The following TNXB variants were observed in gnomAD, a reference collection of about 807,000 sequenced individuals.
The protein encoded by TNXB is tenascin XB.
A neutral mutation model predicts 340.5 loss-of-function variants in TNXB; 183 were observed. The observed-to-expected ratio is 0.54, with a 90% confidence interval of 0.48 to 0.61. The LOEUF is 0.61. Among genes scored for constraint, TNXB ranks in the 20% least tolerant of loss-of-function variants. The probability of loss-of-function intolerance (pLI) is 0.00; values close to 1 mark genes in which losing one functional copy is unlikely to be tolerated. For synonymous variants in TNXB, 2,121 were observed against 2,314.5 expected, an observed-to-expected ratio of 0.92 and a Z score of 2.40; for missense variants, 4,613 against 5,446.4, an observed-to-expected ratio of 0.85 and a Z score of 4.82.
At position 32,047,766 on chromosome 6, in the gene TNXB, C is replaced by T. The variant is rs1367983105; in HGVS notation, c.10292G>A (p.Arg3431Gln). 5.0e-6 allele frequency: 8 copies of T among 1,605,448 alleles called. No individual in the cohort carries two copies. Among genetic ancestry groups the T allele is most frequent in the East Asian group, 2.2e-5 (1 of 44,820 alleles). Residue 3431 changes from arginine to glutamine, a missense_variant, in exon 30 of 44, where the codon CGA becomes CAA. Arg to Gln is a conservative substitution (Grantham distance 43). Transcript: ENST00000644971. This position sits in a 1 kb window ranked among gnomAD's most constrained non-coding sequence, Gnocchi z 6.2. The part of the protein sequence containing the change: ...FLLYGLSGRK[R>Q]LGPISADSTT... ...GCTGTCAGCAGAGATGGGGCCCAGT[C>T]GTTTCCTGCCTGACAGACCATAGAG...
At chr6:32,101,578 C>T (rs988137692) in intron 1 of TNXB, among the ~76,000 whole-genome samples, 34 of 150,750 alleles carry the variant, frequency 2.3e-4, no homozygotes, top group African/African-American at 7.1e-4. Context: ...CGTGAGCCAC[C>T]GCACCCAGCC....
intron 18 of TNXB, among the ~76,000 whole-genome samples, chr6:32,066,417 AT>A (rs1778342526): frequency 6.6e-6 from 1 of 152,188 alleles, no homozygotes; most frequent in Non-Finnish European, 1.5e-5. Context: ...CAATCAATCA[AT>A]CAATCAATCA....
intron 4 of TNXB, among the ~76,000 whole-genome samples, chr6:32,092,306 G>C (rs892449910): frequency 1.3e-5 from 2 of 152,230 alleles, no homozygotes; most frequent in Non-Finnish European, 2.9e-5. Flanking sequence ...CTGAGTCAGA[G>C]TAACAGTGCC....
intron 24 of TNXB, among the ~76,000 whole-genome samples, chr6:32,054,256 C>T (rs1407089299): frequency 6.6e-6 from 1 of 152,206 alleles, no homozygotes; most frequent in African/African-American, 2.4e-5. Context: ...CTACTGGCCT[C>T]CCTGCCTCCA....
rs535033792 is a variant in TNXB at position 32,088,987 on chromosome 6, G to A, written c.2577C>T (p.Gly859=). 6.2e-7 allele frequency: 1 copy of A among 1,611,400 alleles called. No homozygotes were observed. The highest frequency in any genetic ancestry group is 1.3e-5 in the African/African-American group (1 of 75,036). Residue 859 remains glycine (G), a synonymous_variant, in exon 6 of 44, where the codon GGC becomes GGT. Coordinates refer to ENST00000644971, the MANE Select transcript of TNXB (RefSeq NM_001365276.2). ...CCACCTCAGCCTGGGGACGCAGCCA[G>A]CCAAGCTCCAGTGTTGTCGGTGTCA... is the stretch of plus-strand genomic sequence containing the variant. ...VAVTPTTLEL[G]WLRPQAEVDR...
chr6:32,094,655 C>T (rs1290278341), intron 4 of TNXB, among the ~76,000 whole-genome samples: 2 of 152,162 alleles, frequency 1.3e-5, no homozygotes, highest in African/African-American at 2.4e-5. Context: ...ATGAAGACAT[C>T]AGGCTGGTGT....
Position 32,081,884 on chromosome 6 carries a change from C to T in TNXB, c.3736+152G>A, listed in dbSNP as rs545499395. Among the ~76,000 whole-genome samples, 12 of 152,032 alleles carry T rather than the reference C, an allele frequency of 7.9e-5. No homozygotes were observed. The highest frequency in any genetic ancestry group is 1.8e-4 in the Non-Finnish European group (12 of 67,992). On this transcript the variant is annotated intron_variant, in intron 9 of 43. Transcript: ENST00000644971. This position sits in a 1 kb window ranked among gnomAD's most constrained non-coding sequence, Gnocchi z 5.1. The stretch of plus-strand genomic sequence containing the variant: ...TTGGGATGGAAGGGGCCCAGCAGTG[C>T]GGGGGAGTCTGGCTGCCCCTCAGCC...
intron 23 of TNXB, 50 bp downstream of exon 23, chr6:32,056,536 A>G: frequency 6.3e-7 from 1 of 1,597,416 alleles, no homozygotes; most frequent in Non-Finnish European, 8.5e-7. Context: ...AAAGAGCAAG[A>G]GGGTGACCCT....
Position 32,061,272 on chromosome 6 carries a change from G to A in TNXB, c.7492+125C>T. 2.1e-6 allele frequency: 3 copies of A among 1,409,610 alleles called. No homozygotes were observed. The highest frequency in any genetic ancestry group is 2.9e-6 in the Non-Finnish European group (3 of 1,045,990). 87.3% of individuals were successfully genotyped at this position (1,409,610 alleles called of 1,614,324 possible). On this transcript the variant is annotated intron_variant, in intron 21 of 43. Coordinates refer to ENST00000644971, the MANE Select transcript of TNXB (RefSeq NM_001365276.2). The surrounding 1 kb of genome is among the most constrained non-coding windows in gnomAD (Gnocchi z 4.4). ...CGCTAGCATAGGCCACAGCCACAGGGCACAGAGGGAGGGCAGGACACAGGA... is the reference window on the plus strand; with the variant it reads ...CGCTAGCATAGGCCACAGCCACAGGACACAGAGGGAGGGCAGGACACAGGA...
chr6:32,089,513 G>A lies in TNXB; in HGVS notation c.2359-134C>T. 8.2e-7 allele frequency: 1 copy of A among 1,215,036 alleles called. No individual in the cohort carries two copies. Among genetic ancestry groups the A allele is most frequent in the Non-Finnish European group, 1.1e-6 (1 of 899,922 alleles). The allele number at this position is 1,215,036 out of a possible 1,614,324, so 75.3% of individuals were successfully genotyped here. On this transcript the variant is annotated intron_variant, in intron 4 of 43. Transcript: ENST00000644971. The surrounding 1 kb of genome is among the most constrained non-coding windows in gnomAD (Gnocchi z 6.2). Reference sequence around the variant, plus strand: ...TGTGGAACTTGACCCTGTACAAGCTGGGGAGCAAACATGCTGAGAGCGCTA... The same window carrying A: ...TGTGGAACTTGACCCTGTACAAGCTAGGGAGCAAACATGCTGAGAGCGCTA...
Position 32,079,689 on chromosome 6 carries a change from C to T in TNXB, c.4043-324G>A, listed in dbSNP as rs1310591088. On this transcript the variant is annotated intron_variant, in intron 10 of 43. Coordinates refer to ENST00000644971, the MANE Select transcript of TNXB (RefSeq NM_001365276.2). This position sits in a 1 kb window ranked among gnomAD's most constrained non-coding sequence, Gnocchi z 7.1. ...AGGAGGGCAGTGAGGCCTCTTCCTA[C>T]CTGTGCCCTCCCCAGGGCACTCTGG... 6.6e-6 allele frequency among the ~76,000 whole-genome samples: 1 copy of T among 152,220 alleles called. No individual in the cohort carries two copies. Among genetic ancestry groups the T allele is most frequent in the Non-Finnish European group, 1.5e-5 (1 of 68,024 alleles).
Position 32,097,772 on chromosome 6 carries a change from C to T in TNXB, c.403+24G>A, listed in dbSNP as rs778934910. ...TGCCCACCCCACCCCACCTCTCCAC[C>T]CTCTTCTGTGATCACCTGCTCACCT... On this transcript the variant is annotated intron_variant, in intron 2 of 43. Coordinates refer to ENST00000644971, the MANE Select transcript of TNXB (RefSeq NM_001365276.2). The surrounding 1 kb of genome is among the most constrained non-coding windows in gnomAD (Gnocchi z 5.9). 6 of 1,497,928 alleles carry T rather than the reference C, an allele frequency of 4.0e-6. No individual in the cohort carries two copies. Among genetic ancestry groups the T allele is most frequent in the East Asian group, 2.3e-5 (1 of 43,718 alleles). 92.8% of individuals were successfully genotyped at this position (1,497,928 alleles called of 1,614,324 possible).
In TNXB at chr6:32,106,059, A is replaced by C. The variant is rs543648920; in HGVS notation, c.-9+3122T>G. ...TTCTATTTATGTGAAGTTTGAGGAG[A>C]GGCAACATTAATCTGTAGTGCTCCA... On this transcript the variant is annotated intron_variant, in intron 1 of 43. Coordinates refer to ENST00000644971, the MANE Select transcript of TNXB (RefSeq NM_001365276.2). Among the ~76,000 whole-genome samples the C allele has an allele frequency of 3.6e-5, 5 of 137,670 alleles. No individual in the cohort carries two copies. In the East Asian group the frequency reaches 1.1e-3, roughly 31 times the overall value. 90.3% of individuals were successfully genotyped at this position (137,670 alleles called of 152,430 possible).
At chr6:32,054,022 C>T (rs1274897677) in intron 24 of TNXB, among the ~76,000 whole-genome samples, 1 of 152,046 alleles carries the variant, frequency 6.6e-6, no homozygotes, top group Non-Finnish European at 1.5e-5. Flanking sequence ...GGTGTCTCCT[C>T]GCCATCTTTT....
intron 1 of TNXB, among the ~76,000 whole-genome samples, chr6:32,106,432 G>A (rs889713639): frequency 2.0e-5 from 3 of 152,052 alleles, no homozygotes; most frequent in Non-Finnish European, 2.9e-5. Context: ...GGGTGGGTGT[G>A]GAAATGCTGA....
chr6:32,056,776 G>T lies in TNXB; in HGVS notation c.7953C>A (p.Pro2651=). 6.2e-7 allele frequency: 1 copy of T among 1,613,294 alleles called. No homozygotes were observed. Among genetic ancestry groups the T allele is most frequent in the Non-Finnish European group, 8.5e-7 (1 of 1,179,846 alleles). ...PDSLSLSWTV[P]EGQFDHFLVQ... ...CCAGGAAGTGGTCAAACTGGCCCTCGGGAACCGTCCAGGACAGGCTGAGGG... is the reference window on the plus strand; with the variant it reads ...CCAGGAAGTGGTCAAACTGGCCCTCTGGAACCGTCCAGGACAGGCTGAGGG... Residue 2651 remains proline (P), a synonymous_variant, in exon 23 of 44, where the codon CCC becomes CCA. Coordinates refer to ENST00000644971, the MANE Select transcript of TNXB (RefSeq NM_001365276.2).
chr6:32,067,726 T>C lies in TNXB; in HGVS notation c.6479A>G (p.Lys2160Arg), dbSNP rs779563644. ...VGGLEPGRKY[K>R]MHLYGLHEGR... ...CTCGTGGAGGCCGTACAGGTGCATCTTGTACTTGCGCCCAGGCTCCAGGCC... is the reference window on the plus strand; with the variant it reads ...CTCGTGGAGGCCGTACAGGTGCATCCTGTACTTGCGCCCAGGCTCCAGGCC... The change falls in exon 18 of 44, where the codon AAG becomes AGG. Residue 2160 changes from lysine (K) to arginine (R), a missense_variant. Coordinates refer to ENST00000644971, the MANE Select transcript of TNXB (RefSeq NM_001365276.2). This position sits in a 1 kb window ranked among gnomAD's most constrained non-coding sequence, Gnocchi z 4.2. 18 of 1,613,842 alleles carry C rather than the reference T, an allele frequency of 1.1e-5. No individual in the cohort carries two copies. Among genetic ancestry groups the C allele is most frequent in the Non-Finnish European group, 1.4e-5 (16 of 1,179,864 alleles).
At chr6:32,071,115 T>C (rs933401654) in intron 13 of TNXB, among the ~76,000 whole-genome samples, 3 of 152,048 alleles carry the variant, frequency 2.0e-5, no homozygotes, top group African/African-American at 4.8e-5. Context: ...GCTGACGACA[T>C]TGTTATTGCA....
chr6:32,088,027 G>A (rs537410782), intron 6 of TNXB, among the ~76,000 whole-genome samples: 4 of 152,310 alleles, frequency 2.6e-5, no homozygotes, highest in African/African-American at 7.2e-5. Context: ...CAGGTCAGTG[G>A]CAGCTCCCTC....
Sources: gnomAD v4.1 joint callset for allele counts (sites outside exome capture counted in the v4.1 genomes callset) on GRCh38, gnomAD v4.1.1 for gene constraint, Gnocchi (gnomAD v3.1) non-coding constraint, MANE v1.5 for transcripts, NCBI Gene and HGNC (gene_info 2026-07-23, HGNC 2026-07-21) for gene names.